RNF150: variants seen among roughly 807,000 people sequenced by gnomAD.
RNF150 encodes the protein ring finger protein 150.
A neutral mutation model predicts 39.3 loss-of-function variants in RNF150; 24 were observed. The ratio of observed to expected loss-of-function variants is 0.61; its 90% CI spans 0.44 to 0.86. The LOEUF is 0.86. Among genes scored for constraint, RNF150 ranks in the 40% least tolerant of loss-of-function variants. RNF150 has a pLI of 0.00. For missense variants in RNF150, 502 were observed against 587.8 expected (o/e 0.85, Z 1.51); for synonymous variants, 255 against 227.3 (o/e 1.12, Z -1.10).
chr4:141,129,313 C>T (rs1042734315), intron 1 of RNF150, among the ~76,000 whole-genome samples: 2 of 152,202 alleles, frequency 1.3e-5, no homozygotes, highest in African/African-American at 4.8e-5. Flanking sequence ...CATGCTACAA[C>T]CTTGATGAAC....
chr4:140,966,023 T>C (rs1412336132), intron 2 of RNF150, among the ~76,000 whole-genome samples: 1 of 151,982 alleles, frequency 6.6e-6, no homozygotes, highest in Non-Finnish European at 1.5e-5. Flanking sequence ...CTATACACAA[T>C]AAAATTTATT....
intron 1 of RNF150, among the ~76,000 whole-genome samples, chr4:141,072,564 T>A (rs559611161): frequency 7.9e-5 from 12 of 152,330 alleles, no homozygotes; most frequent in African/African-American, 2.2e-4. Context: ...TAGTAGCAAG[T>A]GATATAAGAG....
chr4:140,917,739 T>C (rs1383264421), intron 5 of RNF150, among the ~76,000 whole-genome samples: 2 of 151,522 alleles, frequency 1.3e-5, no homozygotes, highest in Non-Finnish European at 2.9e-5. Context: ...GAATATACAT[T>C]TTTTTTCAGC....
At chr4:140,996,251 A>G (rs78462665) in intron 1 of RNF150, among the ~76,000 whole-genome samples, 11,550 of 152,116 alleles carry the variant, frequency 0.076, 500 homozygotes, top group Middle Eastern at 0.16. Flanking sequence ...TTTATCATAT[A>G]CCTGTGTGCC....
chr4:140,919,568 T>A lies in RNF150; in HGVS notation c.987+6409A>T, dbSNP rs1358355056. Among the ~76,000 whole-genome samples, 81 of 151,274 alleles carry A rather than the reference T, an allele frequency of 5.4e-4. 1 individual carries two copies. The highest frequency in any genetic ancestry group is 1.9e-3 in the African/African-American group (77 of 41,108). On this transcript the variant is annotated intron_variant, in intron 5 of 6. Coordinates refer to ENST00000515673, the MANE Select transcript of RNF150 (RefSeq NM_020724.2). ...AAAGAAATGGAAGAACATTCCATGCTCATGGGTAGGAAGAATCAATATCGT... is the reference window on the plus strand; with the variant it reads ...AAAGAAATGGAAGAACATTCCATGCACATGGGTAGGAAGAATCAATATCGT...
intron 1 of RNF150, among the ~76,000 whole-genome samples, chr4:141,192,736 C>T (rs991121180): frequency 2.0e-5 from 3 of 152,314 alleles, no homozygotes; most frequent in Non-Finnish European, 2.9e-5. Context: ...AGGGTATAAT[C>T]CCTCATTGGC....
At chr4:141,196,378 C>G (rs1728201763) in intron 1 of RNF150, among the ~76,000 whole-genome samples, 1 of 152,250 alleles carries the variant, frequency 6.6e-6, no homozygotes, top group African/African-American at 2.4e-5. Context: ...CCTTTTAGGA[C>G]TTTGATTCTT....
At position 141,039,597 on chromosome 4, in the gene RNF150, G is replaced by A. The variant is rs930822696; in HGVS notation, c.485-71724C>T. Among the ~76,000 whole-genome samples, 8 of 152,178 alleles carry A rather than the reference G, an allele frequency of 5.3e-5. No homozygotes were observed. In the South Asian group the frequency reaches 1.2e-3, roughly 24 times the overall value. ...TTGTAAAAATTCCTAAAATCTGCACGTGCACACATCCCTAACTGAGACAGG... is the reference window on the plus strand; with the variant it reads ...TTGTAAAAATTCCTAAAATCTGCACATGCACACATCCCTAACTGAGACAGG... On this transcript the variant is annotated intron_variant, in intron 1 of 6. Coordinates refer to ENST00000515673, the MANE Select transcript of RNF150 (RefSeq NM_020724.2).
At chr4:141,033,262 C>T (rs1398851559) in intron 1 of RNF150, among the ~76,000 whole-genome samples, 1 of 152,170 alleles carries the variant, frequency 6.6e-6, no homozygotes, top group Non-Finnish European at 1.5e-5. Context: ...GGAGCAGTTT[C>T]CATTTCAAGA....
chr4:141,003,087 G>T (rs752931279), intron 1 of RNF150, among the ~76,000 whole-genome samples: 4 of 151,986 alleles, frequency 2.6e-5, no homozygotes, highest in Admixed American at 6.6e-5. Flanking sequence ...TTCTCTTTCT[G>T]CCTGATAAAG....
chr4:140,935,058 A>G (rs867374946), intron 4 of RNF150, among the ~76,000 whole-genome samples: 1 of 42,002 alleles, frequency 2.4e-5, no homozygotes, highest in South Asian at 8.8e-4. Context: ...TATATATATT[A>G]TATATATATA....
chr4:141,124,272 C>A (rs969805633), intron 1 of RNF150, among the ~76,000 whole-genome samples: 3 of 152,214 alleles, frequency 2.0e-5, no homozygotes, highest in African/African-American at 7.2e-5. Context: ...CCTCACCTGG[C>A]CCTTACATTG....
intron 1 of RNF150, among the ~76,000 whole-genome samples, chr4:141,030,943 T>C (rs963531382): frequency 2.0e-5 from 3 of 152,132 alleles, no homozygotes; most frequent in Non-Finnish European, 4.4e-5. Flanking sequence ...GTTAAGATGA[T>C]AAATTTTATG....
intron 2 of RNF150, among the ~76,000 whole-genome samples, chr4:140,966,445 G>GA (rs1733247921): frequency 1.3e-5 from 2 of 152,008 alleles, no homozygotes; most frequent in Non-Finnish European, 2.9e-5. Context: ...GGGGTGGTGA[G>GA]GTGAATCCTA....
intron 1 of RNF150, among the ~76,000 whole-genome samples, chr4:141,002,637 G>A (rs56120624): frequency 0.076 from 11,533 of 152,166 alleles, 491 homozygotes; most frequent in Middle Eastern, 0.16. Context: ...AAACCTTTTA[G>A]GAAGGACCGC....
chr4:140,939,178 C>T (rs934969132), intron 4 of RNF150, among the ~76,000 whole-genome samples: 2 of 152,148 alleles, frequency 1.3e-5, no homozygotes, highest in African/African-American at 4.8e-5. Flanking sequence ...TACAAACAAA[C>T]TTCATTTCTC....
At chr4:140,984,935 C>A (rs1733974369) in intron 1 of RNF150, among the ~76,000 whole-genome samples, 1 of 152,152 alleles carries the variant, frequency 6.6e-6, no homozygotes, top group African/African-American at 2.4e-5. Context: ...CTTTCCTTCC[C>A]TGTTGCATTT....
At chr4:141,113,611 G>A (rs1476322237) in intron 1 of RNF150, among the ~76,000 whole-genome samples, 1 of 152,052 alleles carries the variant, frequency 6.6e-6, no homozygotes, top group Non-Finnish European at 1.5e-5. Context: ...ACAGATCAAC[G>A]AGACAGAAAA....
At chr4:141,207,772 CAT>C (rs999804360) in intron 1 of RNF150, among the ~76,000 whole-genome samples, 14 of 152,118 alleles carry the variant, frequency 9.2e-5, no homozygotes, top group African/African-American at 2.9e-4. Flanking sequence ...AGAAAAGTAA[CAT>C]ATAGAGATAT....
Sources: allele counts gnomAD v4.1 joint callset (sites outside exome capture counted in the v4.1 genomes callset), GRCh38; gene constraint gnomAD v4.1.1; transcripts MANE v1.5; gene names NCBI Gene and HGNC (gene_info 2026-07-23, HGNC 2026-07-21).